The following UPF2 variants were observed in gnomAD, a reference collection of about 807,000 sequenced individuals.
The protein encoded by UPF2 is regulator of nonsense transcripts 2.
In UPF2, 17 loss-of-function variants were observed where a neutral mutation model predicts 141.4. That is an observed-to-expected ratio of 0.12 (90% CI 0.08 to 0.18). The LOEUF (loss-of-function observed/expected upper bound fraction) is 0.18, where lower values mean the gene tolerates loss of function less well. Ranked by LOEUF, UPF2 falls within the 10% of genes least tolerant of loss-of-function variation. UPF2 has a pLI of 1.00. For missense variants in UPF2, 1,152 were observed against 1,515.9 expected (o/e 0.76, Z 3.99); for synonymous variants, 540 against 498.0 (o/e 1.08, Z -1.12).
In UPF2 at chr10:12,016,198, G is replaced by C. The variant is rs577832160; in HGVS notation, c.1146-2014C>G. 2.0e-5 allele frequency among the ~76,000 whole-genome samples: 3 copies of C among 152,166 alleles called. No individual in the cohort carries two copies. Among genetic ancestry groups the C allele is most frequent in the Admixed American group, 2.0e-4 (3 of 15,284 alleles). ...TTCTAATAGAACTCATTTTGGAAGTGAAAAGTCATTTAAAAAAAATTTTTT... is the reference window on the plus strand; with the variant it reads ...TTCTAATAGAACTCATTTTGGAAGTCAAAAGTCATTTAAAAAAAATTTTTT... On this transcript the variant is annotated intron_variant, in intron 3 of 21. Coordinates refer to ENST00000357604, the MANE Select transcript of UPF2 (RefSeq NM_015542.4). The surrounding 1 kb of genome is among the most constrained non-coding windows in gnomAD (Gnocchi z 4.1).
chr10:11,945,216 GGTT>G (rs2131174641), intron 16 of UPF2, among the ~76,000 whole-genome samples: 1 of 152,278 alleles, frequency 6.6e-6, no homozygotes, highest in African/African-American at 2.4e-5. Context: ...AAAATGTTCA[GGTT>G]GTTAGGTGCT....
chr10:12,012,093 C>T (rs1392046880), intron 4 of UPF2, among the ~76,000 whole-genome samples: 3 of 147,108 alleles, frequency 2.0e-5, no homozygotes, highest in Non-Finnish European at 4.5e-5. Context: ...TTTTTTGAGA[C>T]GGAGTCTTGC....
At chr10:12,021,398 G>A (rs541717640) in intron 3 of UPF2, among the ~76,000 whole-genome samples, 1 of 151,244 alleles carries the variant, frequency 6.6e-6, no homozygotes, top group Non-Finnish European at 1.5e-5. Flanking sequence ...AATTAGCCAG[G>A]TGTGGTGGTG....
At chr10:11,958,160 C>T (rs1833183593) in intron 12 of UPF2, among the ~76,000 whole-genome samples, 1 of 152,088 alleles carries the variant, frequency 6.6e-6, no homozygotes, top group Admixed American at 6.5e-5. Context: ...CGAGACCAGC[C>T]TGTGGAACAT....
At chr10:11,924,693 G>A (rs1345591875) in intron 21 of UPF2, among the ~76,000 whole-genome samples, 1 of 152,044 alleles carries the variant, frequency 6.6e-6, no homozygotes, top group Non-Finnish European at 1.5e-5. Flanking sequence ...GGGCTCAAGC[G>A]ATCCTTCCAC....
At chr10:12,017,457 T>TG (rs1320875819) in intron 3 of UPF2, among the ~76,000 whole-genome samples, 8 of 152,226 alleles carry the variant, frequency 5.3e-5, no homozygotes, top group African/African-American at 1.9e-4. Context: ...TGGATTTGCC[T>TG]GTGACTTTGC....
intron 8 of UPF2, among the ~76,000 whole-genome samples, chr10:11,986,254 A>ACCAT: frequency 6.6e-6 from 1 of 152,244 alleles, no homozygotes; most frequent in South Asian, 2.1e-4. Flanking sequence ...CCAACAATGA[A>ACCAT]CGATGAATCA....
intron 3 of UPF2, among the ~76,000 whole-genome samples, chr10:12,021,451 T>C (rs778538739): frequency 1.1e-4 from 16 of 151,398 alleles, no homozygotes; most frequent in Non-Finnish European, 1.9e-4. Flanking sequence ...AGGTGGGAGA[T>C]AGCGAGGCTG....
intron 3 of UPF2, among the ~76,000 whole-genome samples, chr10:12,023,643 C>T (rs1019005696): frequency 1.3e-5 from 2 of 151,390 alleles, no homozygotes; most frequent in Non-Finnish European, 2.9e-5. Flanking sequence ...TAAGCTGAGA[C>T]CATGCCACTG....
At chr10:11,977,872 A>G (rs542579183) in intron 9 of UPF2, among the ~76,000 whole-genome samples, 29 of 152,278 alleles carry the variant, frequency 1.9e-4, no homozygotes, top group Admixed American at 1.0e-3. Context: ...AGTGTTTCCA[A>G]CCTCTCTAAA....
At position 11,956,431 on chromosome 10, in the gene UPF2, A is replaced by G; in HGVS notation, c.2463T>C (p.Tyr821=). 6.2e-7 allele frequency: 1 copy of G among 1,614,158 alleles called. No homozygotes were observed. Among genetic ancestry groups the G allele is most frequent in the Non-Finnish European group, 8.5e-7 (1 of 1,179,998 alleles). The change falls in exon 13 of 22, where the codon TAT becomes TAC. Residue 821 remains tyrosine (Y), a synonymous_variant. Coordinates refer to ENST00000357604, the MANE Select transcript of UPF2 (RefSeq NM_015542.4). This position sits in a 1 kb window ranked among gnomAD's most constrained non-coding sequence, Gnocchi z 4.2. Reference sequence around the variant, plus strand: ...GGTTGGCTACACAATGAATACTATTATATTTCACATTCCAGATGTTTATCA... The same window carrying G: ...GGTTGGCTACACAATGAATACTATTGTATTTCACATTCCAGATGTTTATCA... ...CCMINIWNVK[Y]NSIHCVANLL... is the part of the protein sequence containing the mutation.
chr10:11,947,011 G>C (rs1254445019), intron 16 of UPF2, among the ~76,000 whole-genome samples: 1 of 152,200 alleles, frequency 6.6e-6, no homozygotes, highest in Non-Finnish European at 1.5e-5. Context: ...AGATTAGGTT[G>C]GCCAACATGG....
chr10:11,991,723 A>G (rs73573525), intron 8 of UPF2, among the ~76,000 whole-genome samples: 333 of 152,376 alleles, frequency 2.2e-3, no homozygotes, highest in African/African-American at 7.6e-3. Flanking sequence ...TAGGGTTAAA[A>G]GGTATGAGCT....
chr10:11,939,830 T>C lies in UPF2; in HGVS notation c.3378+2835A>G, dbSNP rs1213655173. Among the ~76,000 whole-genome samples the C allele has an allele frequency of 6.6e-6, 1 of 152,222 alleles. No individual in the cohort carries two copies. Among genetic ancestry groups the C allele is most frequent in the Non-Finnish European group, 1.5e-5 (1 of 68,044 alleles). On this transcript the variant is annotated intron_variant, in intron 18 of 21. Coordinates refer to ENST00000357604, the MANE Select transcript of UPF2 (RefSeq NM_015542.4). This position sits in a 1 kb window ranked among gnomAD's most constrained non-coding sequence, Gnocchi z 4.8. ...CAGTGCCCAGCCATGTTTTCATATCTTGTAGAGCATTTCACTCATTTCCTG... is the reference window on the plus strand; with the variant it reads ...CAGTGCCCAGCCATGTTTTCATATCCTGTAGAGCATTTCACTCATTTCCTG...
At position 11,953,466 on chromosome 10, in the gene UPF2, C is replaced by G. The variant is rs1833103760; in HGVS notation, c.2851-1217G>C. On this transcript the variant is annotated intron_variant, in intron 14 of 21. Coordinates refer to ENST00000357604, the MANE Select transcript of UPF2 (RefSeq NM_015542.4). This position sits in a 1 kb window ranked among gnomAD's most constrained non-coding sequence, Gnocchi z 5.0. ...AAACACACAGACCTCATCACCCAGG[C>G]CTCACTCACTTCTGACTCCAATTCC... is the stretch of plus-strand genomic sequence containing the variant. 6.6e-6 allele frequency among the ~76,000 whole-genome samples: 1 copy of G among 152,210 alleles called. No homozygotes were observed. The highest frequency in any genetic ancestry group is 6.5e-5 in the Admixed American group (1 of 15,278).
At chr10:11,971,479 T>C (rs1833417018) in intron 9 of UPF2, among the ~76,000 whole-genome samples, 1 of 152,140 alleles carries the variant, frequency 6.6e-6, no homozygotes, top group Admixed American at 6.5e-5. Context: ...GCCGAACTCC[T>C]GACCTCAGGT....
At chr10:12,015,111 A>G (rs1196488802) in intron 3 of UPF2, among the ~76,000 whole-genome samples, 1 of 152,258 alleles carries the variant, frequency 6.6e-6, no homozygotes, top group East Asian at 1.9e-4. Flanking sequence ...GTGGTACTAT[A>G]ATATTTGAAA....
intron 5 of UPF2, among the ~76,000 whole-genome samples, chr10:12,002,154 C>T (rs1343165266): frequency 6.6e-6 from 1 of 151,976 alleles, no homozygotes; most frequent in Admixed American, 6.6e-5. Context: ...GTCTGTAATC[C>T]CAGCTACTCA....
Position 11,935,597 on chromosome 10 carries a change from T to C in UPF2, c.3546+948A>G, listed in dbSNP as rs1283508424. The stretch of plus-strand genomic sequence containing the variant: ...AAGATGTAAACAAATTTTTACAGAA[T>C]TGACCTAAATACACCTAAAGGTGTA... On this transcript the variant is annotated intron_variant, in intron 19 of 21. Transcript: ENST00000357604. This position sits in a 1 kb window ranked among gnomAD's most constrained non-coding sequence, Gnocchi z 4.9. Among the ~76,000 whole-genome samples, 1 of 152,208 alleles carries C rather than the reference T, an allele frequency of 6.6e-6. No homozygotes were observed. The highest frequency in any genetic ancestry group is 1.5e-5 in the Non-Finnish European group (1 of 68,028).
Sources: gnomAD v4.1 joint callset for allele counts (sites outside exome capture counted in the v4.1 genomes callset) on GRCh38, gnomAD v4.1.1 for gene constraint, Gnocchi (gnomAD v3.1) non-coding constraint, MANE v1.5 for transcripts, NCBI Gene and HGNC (gene_info 2026-07-23, HGNC 2026-07-21) for gene names.